Variants in RGS18 observed in about 807,000 individuals in gnomAD.
The protein encoded by RGS18 is regulator of G protein signaling 18, also known as regulator of G-protein signaling 18.
Under a neutral mutation model 27.6 loss-of-function variants are expected in RGS18, and 22 were observed. The observed-to-expected ratio is 0.80, with a 90% CI of 0.57 to 1.14. The LOEUF (loss-of-function observed/expected upper bound fraction) is 1.14, where lower values mean the gene tolerates loss of function less well. Among genes scored for constraint, RGS18 ranks in the 50% most tolerant of loss-of-function variants. RGS18 has a pLI of 0.00. For missense variants in RGS18, 299 were observed against 269.6 expected (o/e 1.11, Z -0.76); for synonymous variants, 89 against 84.6 (o/e 1.05, Z -0.29).
intron 1 of RGS18, 23 bp from the exon 2 acceptor site, chr1:192,159,197 A>G: frequency 6.5e-7 from 1 of 1,528,114 alleles, no homozygotes; most frequent in Non-Finnish European, 9.1e-7. Flanking sequence ...AATTGTCCTG[A>G]CATGAAGGCC....
At chr1:192,172,832 A>G (rs923030343) in intron 3 of RGS18, among the ~76,000 whole-genome samples, 1 of 147,186 alleles carries the variant, frequency 6.8e-6, no homozygotes, top group Non-Finnish European at 1.5e-5. Context: ...TCTGCCTACC[A>G]AAGGAAACAA....
At position 192,184,846 on chromosome 1, in the gene RGS18, A is replaced by G. The variant is rs554643534; in HGVS notation, c.*292A>G. The G allele has an allele frequency of 7.1e-5, 19 of 268,506 alleles. No homozygotes were observed. The East Asian group carries it at 8.8e-4, about 12-fold the overall frequency. 16.6% of individuals were successfully genotyped at this position (268,506 alleles called of 1,614,324 possible). On this transcript the variant is annotated 3_prime_UTR_variant, in exon 5 of 5. Transcript: ENST00000367460. ...AATGTTTTATAAGATTGTAGAGTTA[A>G]GTAAAAGTTAAGCTTTTGCAAAGTT...
At chr1:192,163,769 T>C (rs1372754975) in intron 3 of RGS18, 1 of 151,816 alleles carries the variant, frequency 6.6e-6, no homozygotes, top group African/African-American at 2.4e-5. Context: ...AAACTTAAAA[T>C]AATCACCTAA....
Position 192,184,278 on chromosome 1 carries a change from T to A in RGS18, c.451-19T>A. The A allele has an allele frequency of 6.3e-7, 1 of 1,597,730 alleles. No individual in the cohort carries two copies. The highest frequency in any genetic ancestry group is 1.1e-5 in the South Asian group (1 of 90,402). ...ATAAGCATATTAACTATAATCACAC[T>A]TTTTTTCTGTTTATCCAGGTTAACC... On this transcript the variant is annotated intron_variant, in intron 4 of 4. Transcript: ENST00000367460.
Position 192,159,214 on chromosome 1 carries a change from T to C in RGS18, c.120-6T>C. ...TTGTCCTGACATGAAGGCCTTTTTA[T>C]TACAGAGCTAAGGAAAAAAGAAATA... On this transcript the variant is annotated splice_region_variant and splice_polypyrimidine_tract_variant and intron_variant, in intron 1 of 4. Transcript: ENST00000367460. The C allele has an allele frequency of 6.2e-7, 1 of 1,601,966 alleles. No homozygotes were observed. The highest frequency in any genetic ancestry group is 8.6e-7 in the Non-Finnish European group (1 of 1,169,494).
chr1:192,168,965 A>T (rs1656210270), intron 3 of RGS18: 1 of 152,230 alleles, frequency 6.6e-6, no homozygotes, highest in Admixed American at 6.5e-5. Context: ...TTGTGCCAAT[A>T]AAAGGCATAC....
At chr1:192,172,739 C>G (rs1210166032) in intron 3 of RGS18, among the ~76,000 whole-genome samples, 1 of 151,654 alleles carries the variant, frequency 6.6e-6, no homozygotes, top group Non-Finnish European at 1.5e-5. Flanking sequence ...TCTCCCCCAT[C>G]TCAACGTCCT....
intron 3 of RGS18, among the ~76,000 whole-genome samples, chr1:192,177,869 G>A (rs1341233663): frequency 1.3e-5 from 2 of 151,606 alleles, no homozygotes; most frequent in African/African-American, 2.4e-5. Flanking sequence ...AGAGATGAAC[G>A]CTATTGGGAA....
At chr1:192,159,395 G>T in intron 2 of RGS18, 74 bp downstream of exon 2, 4 of 965,184 alleles carry the variant, frequency 4.1e-6, no homozygotes, top group Non-Finnish European at 6.5e-6. Context: ...AATGCAGTTA[G>T]GGATTTCTGA....
At chr1:192,162,238 G>A (rs1030482637) in intron 3 of RGS18, among the ~76,000 whole-genome samples, 5 of 152,008 alleles carry the variant, frequency 3.3e-5, no homozygotes, top group African/African-American at 4.8e-5. Flanking sequence ...TCCAGTATAC[G>A]ACAATTCATT....
At chr1:192,170,669 G>T (rs1221487740) in intron 3 of RGS18, among the ~76,000 whole-genome samples, 2 of 125,744 alleles carry the variant, frequency 1.6e-5, no homozygotes, top group South Asian at 2.4e-4. Flanking sequence ...GGCAAAATTA[G>T]AAAAAAAAAA....
At chr1:192,168,927 G>A (rs10921101) in intron 3 of RGS18, 186 of 152,144 alleles carry the variant, frequency 1.2e-3, no homozygotes, top group African/African-American at 4.3e-3. Context: ...GACTTACTCC[G>A]TAGGGCTGAT....
At chr1:192,173,322 A>G (rs1352293988) in intron 3 of RGS18, among the ~76,000 whole-genome samples, 1 of 151,920 alleles carries the variant, frequency 6.6e-6, no homozygotes, top group Non-Finnish European at 1.5e-5. Flanking sequence ...TAAAACATAT[A>G]CTTTGTGTAG....
chr1:192,163,648 G>T (rs1457797327), intron 3 of RGS18: 2 of 151,932 alleles, frequency 1.3e-5, no homozygotes, highest in African/African-American at 2.4e-5. Flanking sequence ...TGATTACAAT[G>T]CTAAATATAT....
intron 3 of RGS18, among the ~76,000 whole-genome samples, chr1:192,171,899 A>C (rs1656262133): frequency 6.6e-6 from 1 of 152,120 alleles, no homozygotes; most frequent in Non-Finnish European, 1.5e-5. Flanking sequence ...ACGGTGATTA[A>C]AACAACACAA....
At chr1:192,161,835 C>T (rs559828574) in intron 3 of RGS18, among the ~76,000 whole-genome samples, 1 of 152,150 alleles carries the variant, frequency 6.6e-6, no homozygotes, top group Non-Finnish European at 1.5e-5. Context: ...AATGTAACAA[C>T]AACTTTTCTT....
At chr1:192,168,961 C>T (rs1432228842) in intron 3 of RGS18, 1 of 152,078 alleles carries the variant, frequency 6.6e-6, no homozygotes, top group Non-Finnish European at 1.5e-5. Context: ...GGAATTGTGC[C>T]AATAAAAGGC....
chr1:192,185,569 G>C lies in RGS18; in HGVS notation c.*1015G>C, dbSNP rs1656534464. The C allele has an allele frequency of 6.6e-6, 1 of 151,480 alleles. No individual in the cohort carries two copies. Among genetic ancestry groups the C allele is most frequent in the African/African-American group, 2.4e-5 (1 of 41,306 alleles). 9.4% of individuals were successfully genotyped at this position (151,480 alleles called of 1,614,324 possible). A position where few individuals can be genotyped will look rare whatever the true frequency, so the allele number is the denominator to read the frequency against. On this transcript the variant is annotated 3_prime_UTR_variant, in exon 5 of 5. Transcript: ENST00000367460. ...ATTCTTGTTAAGCAAATCTCCTTAA[G>C]TAATTATTATTCAAATAAGATTATA...
intron 4 of RGS18, among the ~76,000 whole-genome samples, chr1:192,182,907 G>A (rs1403012684): frequency 6.6e-6 from 1 of 151,374 alleles, no homozygotes; most frequent in Non-Finnish European, 1.5e-5. Context: ...TTAAAGACAG[G>A]TTAAAAGAAA....
Sources: allele counts gnomAD v4.1 joint callset (sites outside exome capture counted in the v4.1 genomes callset), GRCh38; gene constraint gnomAD v4.1.1; transcripts MANE v1.5; gene names NCBI Gene and HGNC (gene_info 2026-07-23, HGNC 2026-07-21).